CHRNA5: variants seen among roughly 807,000 people sequenced by gnomAD.
CHRNA5 encodes the protein neuronal acetylcholine receptor subunit alpha-5.
Under a neutral mutation model 41.2 loss-of-function variants are expected in CHRNA5, and 28 were observed. The ratio of observed to expected loss-of-function variants is 0.68; its 90% CI spans 0.50 to 0.93. The LOEUF (loss-of-function observed/expected upper bound fraction) is 0.93, where lower values mean the gene tolerates loss of function less well. Among genes scored for constraint, CHRNA5 ranks in the 40% least tolerant of loss-of-function variants. CHRNA5 has a pLI of 0.00. For synonymous variants in CHRNA5, 188 were observed against 205.8 expected, an observed-to-expected ratio of 0.91 and a Z score of 0.74; for missense variants, 481 against 581.9, an observed-to-expected ratio of 0.83 and a Z score of 1.78.
At chr15:78,575,531 A>C (rs1375652710) in intron 1 of CHRNA5, among the ~76,000 whole-genome samples, 1 of 152,112 alleles carries the variant, frequency 6.6e-6, no homozygotes, top group Non-Finnish European at 1.5e-5. Flanking sequence ...CTTTATAGTG[A>C]CCCATTATTG....
At chr15:78,565,689 G>T in exon 1 of CHRNA5, 1 of 962,040 alleles carries the variant, frequency 1.0e-6, no homozygotes, top group Non-Finnish European at 1.3e-6. Context: ...TCGAGAGGCG[G>T]CTGCCCGCGG....
chr15:78,570,422 C>CTTTTTT (rs1567050748), intron 1 of CHRNA5, among the ~76,000 whole-genome samples: 2 of 66,286 alleles, frequency 3.0e-5, no homozygotes, highest in African/African-American at 1.9e-4. Context: ...CCAATCCCGG[C>CTTTTTT]TATTTTTTTT....
chr15:78,569,854 T>C (rs988632136), intron 1 of CHRNA5, among the ~76,000 whole-genome samples: 1 of 151,438 alleles, frequency 6.6e-6, no homozygotes, highest in Non-Finnish European at 1.5e-5. Flanking sequence ...AGAGTCTCAC[T>C]CTGTCGCCCA....
In CHRNA5 at chr15:78,590,438, G is replaced by A. The variant is rs200369775; in HGVS notation, c.1047G>A (p.Ala349=). ...CTTCCTCAACACATAATGCCATGGCGCCTTTGGTCCGCAAGATATTTCTTC... is the reference window on the plus strand; with the variant it reads ...CTTCCTCAACACATAATGCCATGGCACCTTTGGTCCGCAAGATATTTCTTC... The change falls in exon 5 of 6, where the codon GCG becomes GCA. Residue 349 remains alanine (A), a synonymous_variant. Transcript: ENST00000299565. 6 of 1,613,974 alleles carry A rather than the reference G, an allele frequency of 3.7e-6. No individual in the cohort carries two copies. The African/African-American group carries it at 4.0e-5, about 11-fold the overall frequency.
At chr15:78,589,558 G>A in intron 4 of CHRNA5, 1 of 404,108 alleles carries the variant, frequency 2.5e-6, no homozygotes, top group Admixed American at 4.1e-5. Context: ...TCAGGCTTCT[G>A]TGAAAATTTG....
chr15:78,588,487 A>G lies in CHRNA5; in HGVS notation c.413+64A>G. On this transcript the variant is annotated intron_variant, in intron 4 of 5. Coordinates refer to ENST00000299565, the Ensembl canonical transcript of CHRNA5. This position sits in a 1 kb window ranked among gnomAD's most constrained non-coding sequence, Gnocchi z 4.1. ...GAAAACATTTGTATTTCTATTAGGC[A>G]CTAATAATTTTTCTCCCTTTTGAAA... 1.3e-6 allele frequency: 1 copy of G among 768,458 alleles called. No homozygotes were observed. Among genetic ancestry groups the G allele is most frequent in the Non-Finnish European group, 1.9e-6 (1 of 516,148 alleles). 47.6% of individuals were successfully genotyped at this position (768,458 alleles called of 1,614,324 possible). A position where few individuals can be genotyped will look rare whatever the true frequency, so the allele number is the denominator to read the frequency against.
At chr15:78,594,762 T>A (rs1312893720) in exon 6 of CHRNA5, 1 of 152,230 alleles carries the variant, frequency 6.6e-6, no homozygotes, top group Non-Finnish European at 1.5e-5. Context: ...ATGCACACTG[T>A]TATATACCTG....
chr15:78,592,303 C>T (rs561962882), intron 5 of CHRNA5, among the ~76,000 whole-genome samples: 7 of 152,274 alleles, frequency 4.6e-5, no homozygotes, highest in East Asian at 1.9e-4. Flanking sequence ...GCCTGGGGGA[C>T]GGAGCAAGGC....
chr15:78,570,006 G>A (rs2052786380), intron 1 of CHRNA5, among the ~76,000 whole-genome samples: 1 of 150,536 alleles, frequency 6.6e-6, no homozygotes, highest in Non-Finnish European at 1.5e-5. Flanking sequence ...TTTTAGTAGA[G>A]ATGGGGTTTC....
At chr15:78,584,426 G>A (rs1340557897) in intron 2 of CHRNA5, among the ~76,000 whole-genome samples, 3 of 152,124 alleles carry the variant, frequency 2.0e-5, no homozygotes, top group East Asian at 1.9e-4. Flanking sequence ...GGGGATCATC[G>A]TACATTTATC....
At chr15:78,572,938 T>C (rs2052820032) in intron 1 of CHRNA5, among the ~76,000 whole-genome samples, 1 of 152,218 alleles carries the variant, frequency 6.6e-6, no homozygotes, top group Non-Finnish European at 1.5e-5. Flanking sequence ...GAATTCTTAC[T>C]CTTTATGAGC....
In CHRNA5 at chr15:78,585,683, A is replaced by G. The variant is rs191458280; in HGVS notation, c.259-962A>G. On this transcript the variant is annotated intron_variant, in intron 2 of 5. Transcript: ENST00000299565. ...TGATAGCAGAGAGGTGTAAGTGAGAAGTACCAAGGACCTCCAGTTCTCTAC... is the reference window on the plus strand; with the variant it reads ...TGATAGCAGAGAGGTGTAAGTGAGAGGTACCAAGGACCTCCAGTTCTCTAC... 9.2e-5 allele frequency among the ~76,000 whole-genome samples: 14 copies of G among 152,328 alleles called. No individual in the cohort carries two copies. In the East Asian group the frequency reaches 2.7e-3, roughly 29 times the overall value.
intron 1 of CHRNA5, among the ~76,000 whole-genome samples, chr15:78,575,941 A>G (rs2052852649): frequency 6.6e-6 from 1 of 152,184 alleles, no homozygotes; most frequent in African/African-American, 2.4e-5. Context: ...TCTTTGGAGA[A>G]ATGTCTAAGT....
intron 1 of CHRNA5, among the ~76,000 whole-genome samples, chr15:78,571,442 A>G (rs1164253626): frequency 6.6e-6 from 1 of 152,142 alleles, no homozygotes; most frequent in Non-Finnish European, 1.5e-5. Context: ...AGGCAACCTC[A>G]TGCACCATTA....
At chr15:78,574,030 G>T (rs1236338082) in intron 1 of CHRNA5, among the ~76,000 whole-genome samples, 3 of 140,538 alleles carry the variant, frequency 2.1e-5, no homozygotes, top group African/African-American at 8.0e-5. Flanking sequence ...GGCCAGGATG[G>T]TCTCAAACTC....
At chr15:78,569,390 A>G (rs925877720) in intron 1 of CHRNA5, among the ~76,000 whole-genome samples, 11 of 151,810 alleles carry the variant, frequency 7.2e-5, no homozygotes, top group Non-Finnish European at 1.5e-4. Context: ...TAAGTTCACT[A>G]TTAAATAAGC....
Position 78,588,619 on chromosome 15 carries a change from T to G in CHRNA5, c.413+196T>G, listed in dbSNP as rs2141419804. On this transcript the variant is annotated intron_variant, in intron 4 of 5. Coordinates refer to ENST00000299565, the Ensembl canonical transcript of CHRNA5. The surrounding 1 kb of genome is among the most constrained non-coding windows in gnomAD (Gnocchi z 4.1). Reference sequence around the variant, plus strand: ...TTAGGGTGGTTGTTCTTTTCCAAGATCACAGAGCTAGCACATGGCAGAGTA... The same window carrying G: ...TTAGGGTGGTTGTTCTTTTCCAAGAGCACAGAGCTAGCACATGGCAGAGTA... Among the ~76,000 whole-genome samples, 1 of 152,288 alleles carries G rather than the reference T, an allele frequency of 6.6e-6. No homozygotes were observed. Among genetic ancestry groups the G allele is most frequent in the Non-Finnish European group, 1.5e-5 (1 of 68,014 alleles).
chr15:78,594,170 T>TTAAC (rs755371394), exon 6 of CHRNA5: 1 of 152,236 alleles, frequency 6.6e-6, no homozygotes, highest in Non-Finnish European at 1.5e-5. Flanking sequence ...AATTATTGTG[T>TTAAC]TAACTATTTC....
chr15:78,592,823 ATTTTAAT>A (rs2053032596), intron 5 of CHRNA5, among the ~76,000 whole-genome samples: 1 of 152,206 alleles, frequency 6.6e-6, no homozygotes, highest in Non-Finnish European at 1.5e-5. Flanking sequence ...ATCCAAGTCT[ATTTTAAT>A]TTTTAATCTA....
Sources: gnomAD v4.1 joint callset for allele counts (sites outside exome capture counted in the v4.1 genomes callset) on GRCh38, gnomAD v4.1.1 for gene constraint, Gnocchi (gnomAD v3.1) non-coding constraint, MANE v1.5 for transcripts, NCBI Gene and HGNC (gene_info 2026-07-23, HGNC 2026-07-21) for gene names.